STXBP5L: variants seen among roughly 807,000 people sequenced by gnomAD.
STXBP5L encodes the protein syntaxin-binding protein 5-like.
A neutral mutation model predicts 144.5 loss-of-function variants in STXBP5L; 65 were observed. The observed-to-expected ratio is 0.45, with a 90% confidence interval of 0.37 to 0.55. The LOEUF (loss-of-function observed/expected upper bound fraction) is 0.55, where lower values mean the gene tolerates loss of function less well. Ranked by LOEUF, STXBP5L falls within the 20% of genes least tolerant of loss-of-function variation. STXBP5L has a pLI of 0.00. For missense variants in STXBP5L, 1,298 were observed against 1,405.5 expected, an observed-to-expected ratio of 0.92 and a Z score of 1.22; for synonymous variants, 505 against 469.6, an observed-to-expected ratio of 1.08 and a Z score of -0.97.
chr3:121,393,061 G>A (rs116616966), intron 22 of STXBP5L, among the ~76,000 whole-genome samples: 336 of 151,770 alleles, frequency 2.2e-3, no homozygotes, highest in Non-Finnish European at 3.8e-3. Flanking sequence ...CTGTATAAGC[G>A]TTCCCTTTTC....
chr3:121,250,877 T>C (rs888936013), intron 15 of STXBP5L, 114 bp downstream of exon 15: 2 of 824,428 alleles, frequency 2.4e-6, no homozygotes, highest in Admixed American at 2.8e-5. Context: ...AGCACACATA[T>C]GTGGCTGTGT....
chr3:121,320,278 T>A (rs2043926834), intron 20 of STXBP5L, among the ~76,000 whole-genome samples: 1 of 152,212 alleles, frequency 6.6e-6, no homozygotes, highest in Non-Finnish European at 1.5e-5. Context: ...TATTGTGTTA[T>A]TTTTATGTCT....
At chr3:121,253,597 ATGTG>A (rs1314423775) in intron 15 of STXBP5L, among the ~76,000 whole-genome samples, 6 of 148,440 alleles carry the variant, frequency 4.0e-5, no homozygotes, top group Admixed American at 6.7e-5. Flanking sequence ...ATACATATAT[ATGTG>A]TATATATATG....
intron 5 of STXBP5L, among the ~76,000 whole-genome samples, chr3:121,096,871 C>T (rs1370792170): frequency 6.6e-6 from 1 of 152,128 alleles, no homozygotes; most frequent in Non-Finnish European, 1.5e-5. Context: ...AGCTCAAACA[C>T]TCTGCTGGGA....
intron 20 of STXBP5L, among the ~76,000 whole-genome samples, chr3:121,325,631 A>G (rs1010980275): frequency 6.6e-6 from 1 of 152,018 alleles, no homozygotes; most frequent in African/African-American, 2.4e-5. Context: ...ATAGTTTACC[A>G]TTAAAGTTTC....
intron 3 of STXBP5L, among the ~76,000 whole-genome samples, chr3:121,026,018 T>C (rs961168723): frequency 4.3e-5 from 6 of 140,992 alleles, no homozygotes; most frequent in African/African-American, 1.5e-4. Context: ...TATAAATATA[T>C]TTATAATTTT....
chr3:121,291,704 A>G (rs2051446490), intron 19 of STXBP5L, among the ~76,000 whole-genome samples: 1 of 152,202 alleles, frequency 6.6e-6, no homozygotes, highest in Non-Finnish European at 1.5e-5. Context: ...TGACATAAAG[A>G]TAGGCACATA....
chr3:121,376,462 T>G (rs2046186679), intron 20 of STXBP5L, among the ~76,000 whole-genome samples: 1 of 152,246 alleles, frequency 6.6e-6, no homozygotes, highest in Non-Finnish European at 1.5e-5. Context: ...GCTAGCCGGT[T>G]TTCCCAGCAC....
At position 121,114,996 on chromosome 3, in the gene STXBP5L, T is replaced by C. The variant is rs912329150; in HGVS notation, c.542T>C (p.Ile181Thr). The C allele has an allele frequency of 4.4e-6, 7 of 1,602,006 alleles. No individual in the cohort carries two copies. Among genetic ancestry groups the C allele is most frequent in the African/African-American group, 4.0e-5 (3 of 74,378 alleles). ...GGAACAGAAAGAGGAAATACACATA[T>C]TGTAAATATTGAATCTTTCATTCTT... ...YVGTERGNTHIVNIESFILSG... is the reference protein window; with the variant it reads ...YVGTERGNTHTVNIESFILSG... Residue 181 changes from isoleucine (I) to threonine (T), a missense_variant, in exon 6 of 27, where the codon ATT becomes ACT. Coordinates refer to ENST00000471454, the MANE Select transcript of STXBP5L (RefSeq NM_001308330.2).
intron 5 of STXBP5L, among the ~76,000 whole-genome samples, chr3:121,092,975 GC>G (rs1289681211): frequency 6.6e-6 from 1 of 152,164 alleles, no homozygotes; most frequent in African/African-American, 2.4e-5. Context: ...AGAGTTTTTA[GC>G]ATGAAGAGTT....
chr3:121,408,640 G>A (rs903606162), intron 23 of STXBP5L, among the ~76,000 whole-genome samples: 4 of 151,938 alleles, frequency 2.6e-5, no homozygotes, highest in African/African-American at 9.7e-5. Flanking sequence ...AATTGTTGAC[G>A]ACCTTGAATG....
intron 9 of STXBP5L, among the ~76,000 whole-genome samples, chr3:121,179,813 A>G (rs1344618764): frequency 6.6e-6 from 1 of 152,168 alleles, no homozygotes. Flanking sequence ...TCAACAACAG[A>G]CTAGAACAAG....
intron 3 of STXBP5L, among the ~76,000 whole-genome samples, chr3:120,986,892 T>C (rs1275707435): frequency 1.3e-5 from 2 of 151,228 alleles, no homozygotes; most frequent in African/African-American, 4.9e-5. Context: ...AATTATTGAG[T>C]CTAAAGAACG....
At chr3:121,148,311 C>G (rs1308666835) in intron 7 of STXBP5L, among the ~76,000 whole-genome samples, 1 of 151,994 alleles carries the variant, frequency 6.6e-6, no homozygotes, top group Admixed American at 6.6e-5. Flanking sequence ...TTTATGCTCC[C>G]CCTAGTAGTA....
chr3:121,007,614 T>G (rs929715285), intron 3 of STXBP5L, among the ~76,000 whole-genome samples: 1 of 152,026 alleles, frequency 6.6e-6, no homozygotes, highest in Admixed American at 6.6e-5. Flanking sequence ...TGTTAAATCA[T>G]TACTTGACGC....
chr3:121,341,585 T>C (rs1298824499), intron 20 of STXBP5L, among the ~76,000 whole-genome samples: 2 of 151,996 alleles, frequency 1.3e-5, no homozygotes, highest in East Asian at 3.8e-4. Context: ...TGCAGCACTA[T>C]TCACAGTAGC....
chr3:120,997,944 T>C lies in STXBP5L; in HGVS notation c.287+42907T>C, dbSNP rs150960392. Among the ~76,000 whole-genome samples, 78 of 152,306 alleles carry C rather than the reference T, an allele frequency of 5.1e-4. 1 individual carries two copies. The East Asian group carries it at 9.5e-3, about 18-fold the overall frequency. ...TTGTTCAACATATGCAAATCAATAA[T>C]TTTGATTCATCACATAAACAGAGCT... is the stretch of plus-strand genomic sequence containing the variant. On this transcript the variant is annotated intron_variant, in intron 3 of 26. Transcript: ENST00000471454.
chr3:121,350,420 T>C (rs1012867698), intron 20 of STXBP5L, among the ~76,000 whole-genome samples: 6 of 152,150 alleles, frequency 3.9e-5, no homozygotes, highest in Admixed American at 6.5e-5. Context: ...CTTTGGTGAA[T>C]CTGACAATTA....
At chr3:121,116,317 T>C (rs759386035) in intron 6 of STXBP5L, among the ~76,000 whole-genome samples, 6 of 152,110 alleles carry the variant, frequency 3.9e-5, no homozygotes, top group Non-Finnish European at 7.4e-5. Context: ...AAATAAATAT[T>C]TTACCTAATC....
Sources: gnomAD v4.1 joint callset for allele counts (sites outside exome capture counted in the v4.1 genomes callset) on GRCh38, gnomAD v4.1.1 for gene constraint, MANE v1.5 for transcripts, NCBI Gene and HGNC (gene_info 2026-07-23, HGNC 2026-07-21) for gene names.